The following PHF20 variants were observed in gnomAD, a reference collection of about 807,000 sequenced individuals.
The protein encoded by PHF20 is PHD finger protein 20, also known as glioma-expressed antigen 2.
A neutral mutation model predicts 113.5 loss-of-function variants in PHF20; 23 were observed. That is an observed-to-expected ratio of 0.20 (90% confidence interval 0.15 to 0.29). The LOEUF (loss-of-function observed/expected upper bound fraction) is 0.29. Among genes scored for constraint, PHF20 ranks in the 10% least tolerant of loss-of-function variants. The probability of loss-of-function intolerance (pLI) is 1.00; values close to 1 mark genes in which losing one functional copy is unlikely to be tolerated. For synonymous variants in PHF20, 434 were observed against 457.3 expected (o/e 0.95, Z 0.65); for missense variants, 943 against 1,219.6 (o/e 0.77, Z 3.38).
intron 17 of PHF20, among the ~76,000 whole-genome samples, chr20:35,945,814 A>G (rs561245404): frequency 9.6e-4 from 146 of 152,312 alleles, no homozygotes; most frequent in African/African-American, 3.4e-3. Context: ...CAAGCAAGAC[A>G]GCTTTCTAGA....
At chr20:35,901,530 A>G (rs2055097597) in intron 10 of PHF20, among the ~76,000 whole-genome samples, 1 of 152,108 alleles carries the variant, frequency 6.6e-6, no homozygotes, top group Non-Finnish European at 1.5e-5. Context: ...TTTTTACTTG[A>G]AATAATGAAT....
chr20:35,838,464 C>G (rs890628016), intron 2 of PHF20: 6 of 152,100 alleles, frequency 3.9e-5, no homozygotes, highest in African/African-American at 1.4e-4. Flanking sequence ...CTGGCTCTCT[C>G]CCTTCCCCCA....
chr20:35,805,358 TTATTA>T (rs1569128411), intron 2 of PHF20, among the ~76,000 whole-genome samples: 28 of 103,646 alleles, frequency 2.7e-4, no homozygotes, highest in Non-Finnish European at 5.0e-4. Context: ...TGATTTTTTA[TTATTA>T]TTATTATTAT....
At chr20:35,796,015 T>C (rs2041659830) in intron 1 of PHF20, among the ~76,000 whole-genome samples, 1 of 152,148 alleles carries the variant, frequency 6.6e-6, no homozygotes, top group Non-Finnish European at 1.5e-5. Flanking sequence ...CATGCCCAGC[T>C]AATTTTTGTA....
chr20:35,878,764 G>A, intron 9 of PHF20: 1 of 712,644 alleles, frequency 1.4e-6, no homozygotes, highest in Non-Finnish European at 2.5e-6. Context: ...TCTTGTAGGA[G>A]GAGCTTGTTT....
chr20:35,820,270 A>G (rs548826564), intron 2 of PHF20, among the ~76,000 whole-genome samples: 2 of 152,192 alleles, frequency 1.3e-5, no homozygotes, highest in African/African-American at 4.8e-5. Context: ...ATGACTTTTG[A>G]TGCCAAGTCA....
At chr20:35,820,692 G>A (rs1428415579) in intron 2 of PHF20, among the ~76,000 whole-genome samples, 1 of 151,866 alleles carries the variant, frequency 6.6e-6, no homozygotes, top group East Asian at 1.9e-4. Flanking sequence ...CTCGTGATCT[G>A]CCTGCCTCAG....
chr20:35,864,298 C>T lies in PHF20; in HGVS notation c.808+898C>T, dbSNP rs184225931. Among the ~76,000 whole-genome samples the T allele has an allele frequency of 1.6e-3, 248 of 151,990 alleles. 1 individual carries two copies. The highest frequency in any genetic ancestry group is 5.0e-3 in the Admixed American group (76 of 15,254). Reference sequence around the variant, plus strand: ...AAATACAAAACATGAAGGCTGAGTGCGTTGGTGCATGTTTGTTGTCCCAGC... The same window carrying T: ...AAATACAAAACATGAAGGCTGAGTGTGTTGGTGCATGTTTGTTGTCCCAGC... On this transcript the variant is annotated intron_variant, in intron 6 of 17. Transcript: ENST00000374012.
rs562342256 is a variant in PHF20 at position 35,913,313 on chromosome 20, GAAGAAAAAGAAA to G, written c.1640_1651del (p.Lys547_Lys550del). 1 of 1,600,946 alleles carries G rather than the reference GAAGAAAAAGAAA, an allele frequency of 6.2e-7. No homozygotes were observed. Among genetic ancestry groups the G allele is most frequent in the Non-Finnish European group, 8.5e-7 (1 of 1,174,956 alleles). ...AGGAGTTTGTGAGAGTGAAGCCAAA[GAAGAAAAAGAAA>G]AAGAAAAAGAAAACCAAACCTGGTA... On this transcript the variant is annotated inframe_deletion, in exon 11 of 18. Transcript: ENST00000374012.
At chr20:35,796,096 C>T (rs992970130) in intron 1 of PHF20, among the ~76,000 whole-genome samples, 8 of 152,106 alleles carry the variant, frequency 5.3e-5, no homozygotes, top group Non-Finnish European at 1.0e-4. Flanking sequence ...ATGATCCGCC[C>T]GCCTTGGCCT....
chr20:35,797,111 A>G (rs1395617827), intron 1 of PHF20, among the ~76,000 whole-genome samples: 1 of 152,044 alleles, frequency 6.6e-6, no homozygotes, highest in Non-Finnish European at 1.5e-5. Context: ...GGCCTCCCAA[A>G]ATGCTGGGAT....
At position 35,899,523 on chromosome 20, in the gene PHF20, T is replaced by C. The variant is rs561033073; in HGVS notation, c.1436T>C (p.Met479Thr). The C allele has an allele frequency of 1.6e-5, 26 of 1,614,038 alleles. No individual in the cohort carries two copies. Among genetic ancestry groups the C allele is most frequent in the Non-Finnish European group, 2.2e-5 (26 of 1,180,030 alleles). Residue 479 changes from methionine (M) to threonine (T), a missense_variant, in exon 10 of 18, where the codon ATG (methionine) becomes ACG (threonine). Met to Thr is a moderately conservative substitution (Grantham distance 81). Transcript: ENST00000374012. The part of the protein sequence containing the change: ...LHYHMKYFHG[M>T]EKSLEPEESP... ...TATCACATGAAGTATTTCCATGGAATGGAGAAGTCACTGGAGCCAGAAGAG... is the reference window on the plus strand; with the variant it reads ...TATCACATGAAGTATTTCCATGGAACGGAGAAGTCACTGGAGCCAGAAGAG...
intron 1 of PHF20, among the ~76,000 whole-genome samples, chr20:35,776,149 T>G (rs2041170717): frequency 6.6e-6 from 1 of 152,222 alleles, no homozygotes; most frequent in Non-Finnish European, 1.5e-5. Flanking sequence ...TACTTGAATG[T>G]GAACATAATT....
chr20:35,944,846 C>T lies in PHF20; in HGVS notation c.2897-2639C>T, dbSNP rs533019488. 9.2e-5 allele frequency among the ~76,000 whole-genome samples: 14 copies of T among 152,286 alleles called. No individual in the cohort carries two copies. The East Asian group carries it at 2.1e-3, about 23-fold the overall frequency. The stretch of plus-strand genomic sequence containing the variant: ...CCTCCCAAGGTGTTGGGATTACAGG[C>T]GTGCACGTCCGGCCTCTCCATTTAT... On this transcript the variant is annotated intron_variant, in intron 17 of 17. Coordinates refer to ENST00000374012, the MANE Select transcript of PHF20 (RefSeq NM_016436.5).
intron 2 of PHF20, among the ~76,000 whole-genome samples, chr20:35,814,383 A>G (rs2146888223): frequency 6.6e-6 from 1 of 151,588 alleles, no homozygotes; most frequent in East Asian, 2.0e-4. Context: ...ATGCCTGGCT[A>G]ATTTTGTATT....
intron 1 of PHF20, 90 bp downstream of exon 1, chr20:35,772,169 G>A (rs1342881755): frequency 6.7e-6 from 1 of 150,324 alleles, no homozygotes; most frequent in Non-Finnish European, 1.5e-5. Flanking sequence ...GGACGGCGAC[G>A]GACGCCACCG....
intron 9 of PHF20, among the ~76,000 whole-genome samples, chr20:35,890,420 A>C (rs2054827806): frequency 6.6e-6 from 1 of 152,158 alleles, no homozygotes. Context: ...TCATTGTTTG[A>C]TTAATAAAGG....
intron 13 of PHF20, among the ~76,000 whole-genome samples, chr20:35,918,676 A>G (rs2055451909): frequency 6.6e-6 from 1 of 152,172 alleles, no homozygotes; most frequent in South Asian, 2.1e-4. Context: ...TAGATCAGAT[A>G]TTAGTTTTTG....
chr20:35,946,295 G>A (rs1568814611), intron 17 of PHF20, among the ~76,000 whole-genome samples: 1 of 152,078 alleles, frequency 6.6e-6, no homozygotes, highest in Admixed American at 6.6e-5. Flanking sequence ...TTCGCCGGGC[G>A]TGGTGGCACA....
Sources: allele counts gnomAD v4.1 joint callset (sites outside exome capture counted in the v4.1 genomes callset), GRCh38; gene constraint gnomAD v4.1.1; transcripts MANE v1.5; gene names NCBI Gene and HGNC (gene_info 2026-07-23, HGNC 2026-07-21).